The following VAV3 variants were observed in gnomAD, a reference collection of about 807,000 sequenced individuals.
VAV3 encodes vav guanine nucleotide exchange factor 3.
A neutral mutation model predicts 131.2 loss-of-function variants in VAV3; 94 were observed. The ratio of observed to expected loss-of-function variants is 0.72; its 90% confidence interval spans 0.61 to 0.85. The LOEUF is 0.85. VAV3 is among the 40% of genes least tolerant of loss of function. The pLI, the probability that VAV3 is intolerant of heterozygous loss-of-function variation, is 0.00. For synonymous variants in VAV3, 349 were observed against 342.0 expected, an observed-to-expected ratio of 1.02 and a Z score of -0.22; for missense variants, 939 against 1,002.7, an observed-to-expected ratio of 0.94 and a Z score of 0.86.
intron 1 of VAV3, among the ~76,000 whole-genome samples, chr1:107,925,273 A>C (rs1334312579): frequency 3.3e-5 from 5 of 152,202 alleles, no homozygotes; most frequent in African/African-American, 1.2e-4. Flanking sequence ...TCCTATGCTA[A>C]CTACATAGGA....
intron 17 of VAV3, among the ~76,000 whole-genome samples, chr1:107,703,879 C>T (rs1660285517): frequency 6.6e-6 from 1 of 151,898 alleles, no homozygotes; most frequent in South Asian, 2.1e-4. Context: ...AATAAAGAAG[C>T]CAGAAAATAA....
At chr1:107,710,143 T>A (rs1660699469) in intron 15 of VAV3, among the ~76,000 whole-genome samples, 1 of 152,104 alleles carries the variant, frequency 6.6e-6, no homozygotes, top group Non-Finnish European at 1.5e-5. Flanking sequence ...AGGAAGCAAA[T>A]CCTAGCAAGA....
intron 20 of VAV3, among the ~76,000 whole-genome samples, chr1:107,619,234 C>T (rs763902945): frequency 2.0e-5 from 3 of 152,060 alleles, no homozygotes; most frequent in African/African-American, 7.2e-5. Context: ...AGCAAGGCTG[C>T]ATCACTTGGA....
At position 107,667,964 on chromosome 1, in the gene VAV3, C is replaced by T. The variant is rs72975670; in HGVS notation, c.1777+15524G>A. ...TGCCCTTTGCCCAACTGGGCCCTTC[C>T]GAGAAGCTCTTTCCCAGGCTCTCCA... On this transcript the variant is annotated intron_variant, in intron 19 of 26. Transcript: ENST00000370056. Among the ~76,000 whole-genome samples the T allele has an allele frequency of 3.5e-3, 530 of 152,202 alleles. 5 individuals carry two copies. Among genetic ancestry groups the T allele is most frequent in the African/African-American group, 0.012 (499 of 41,526 alleles).
chr1:107,890,583 G>A (rs748126369), intron 1 of VAV3, among the ~76,000 whole-genome samples: 10 of 151,860 alleles, frequency 6.6e-5, no homozygotes, highest in African/African-American at 1.9e-4. Flanking sequence ...ACTTCCAGTG[G>A]GAAGAGAAAA....
chr1:107,728,928 C>A (rs1662045352), intron 15 of VAV3, among the ~76,000 whole-genome samples: 1 of 152,134 alleles, frequency 6.6e-6, no homozygotes, highest in Admixed American at 6.5e-5. Context: ...CGACAGTATG[C>A]AGAAAATCCA....
chr1:107,933,814 CAAAAAAAAAAA>C (rs11383512), intron 1 of VAV3, among the ~76,000 whole-genome samples: 1 of 119,234 alleles, frequency 8.4e-6, no homozygotes, highest in Non-Finnish European at 1.7e-5. Flanking sequence ...AGACCCTTCT[CAAAAAAAAAAA>C]AAAAAAAATT....
chr1:107,722,765 T>C (rs962383764), intron 15 of VAV3, among the ~76,000 whole-genome samples: 8 of 151,762 alleles, frequency 5.3e-5, no homozygotes, highest in African/African-American at 1.9e-4. Context: ...CTTGGGCTTC[T>C]TTTTAAAGAG....
chr1:107,726,972 C>T (rs560045281), intron 15 of VAV3, among the ~76,000 whole-genome samples: 1 of 152,198 alleles, frequency 6.6e-6, no homozygotes, highest in Admixed American at 6.5e-5. Context: ...TAATAATCAT[C>T]TAACATTATT....
chr1:107,963,683 A>C (rs532758410), intron 1 of VAV3: 1 of 152,344 alleles, frequency 6.6e-6, no homozygotes, highest in Non-Finnish European at 1.5e-5. Context: ...ATAGAGGATT[A>C]GTGCTGAAAT....
intron 19 of VAV3, among the ~76,000 whole-genome samples, chr1:107,656,984 C>T (rs889486896): frequency 6.4e-5 from 8 of 124,482 alleles, no homozygotes; most frequent in Non-Finnish European, 1.1e-4. Context: ...GACGATGTCT[C>T]GCTCTGTCAC....
At chr1:107,905,556 T>C (rs1049268394) in intron 1 of VAV3, among the ~76,000 whole-genome samples, 2 of 152,188 alleles carry the variant, frequency 1.3e-5, no homozygotes, top group African/African-American at 4.8e-5. Flanking sequence ...TAGAATACTT[T>C]TTATGAATGA....
intron 3 of VAV3, among the ~76,000 whole-genome samples, chr1:107,778,010 T>C (rs1431086465): frequency 6.6e-6 from 1 of 152,178 alleles, no homozygotes; most frequent in Non-Finnish European, 1.5e-5. Context: ...CTATGTCCTT[T>C]TTTCATAACT....
In VAV3 at chr1:107,964,686, G is replaced by T; in HGVS notation, c.184C>A (p.Leu62Met). ...CTCACCTGGGACATCTGCGGCCTCA[G>T]GTTGATCTCCTTCAGGTTGATGGAG... ...AHSINLKEIN[L>M]RPQMSQFLCL... Residue 62 changes from leucine to methionine, a missense_variant, in exon 1 of 27, where the codon CTG becomes ATG. By Grantham distance (15) the Leu-to-Met change is conservative. Transcript: ENST00000370056. 6.2e-7 allele frequency: 1 copy of T among 1,613,778 alleles called. No individual in the cohort carries two copies. Among genetic ancestry groups the T allele is most frequent in the South Asian group, 1.1e-5 (1 of 91,020 alleles).
At chr1:107,649,070 C>CA (rs373145745) in intron 19 of VAV3, among the ~76,000 whole-genome samples, 7 of 151,352 alleles carry the variant, frequency 4.6e-5, no homozygotes, top group East Asian at 3.9e-4. Context: ...AACAAACAAA[C>CA]AAAAAAAAAG....
chr1:107,669,768 GA>G (rs2101665564), intron 19 of VAV3, among the ~76,000 whole-genome samples: 1 of 152,218 alleles, frequency 6.6e-6, no homozygotes, highest in South Asian at 2.1e-4. Flanking sequence ...GAAGGCAGAA[GA>G]AAAGAGGTAA....
At chr1:107,651,201 C>A (rs1656141343) in intron 19 of VAV3, among the ~76,000 whole-genome samples, 1 of 152,162 alleles carries the variant, frequency 6.6e-6, no homozygotes, top group Non-Finnish European at 1.5e-5. Flanking sequence ...GACTCCAGAA[C>A]TGTCAGCTGT....
At chr1:107,962,944 T>TA (rs1181674328) in intron 1 of VAV3, among the ~76,000 whole-genome samples, 21 of 152,342 alleles carry the variant, frequency 1.4e-4, no homozygotes, top group East Asian at 1.3e-3. Flanking sequence ...ACAGAACTCT[T>TA]AGAGCATTGT....
intron 15 of VAV3, among the ~76,000 whole-genome samples, chr1:107,720,206 T>A (rs1415845779): frequency 6.6e-6 from 1 of 151,462 alleles, no homozygotes; most frequent in Non-Finnish European, 1.5e-5. Flanking sequence ...ACTTAAAGTA[T>A]AATAAAAAAA....
Sources: allele counts gnomAD v4.1 joint callset (sites outside exome capture counted in the v4.1 genomes callset), GRCh38; gene constraint gnomAD v4.1.1; transcripts MANE v1.5; gene names NCBI Gene and HGNC (gene_info 2026-07-23, HGNC 2026-07-21).